Variants in ESR2 observed in about 807,000 individuals in gnomAD.
The protein encoded by ESR2 is estrogen receptor 2.
ESR2 carries 36 observed loss-of-function variants against 49.6 expected under a neutral mutation model. That is an observed-to-expected ratio of 0.73 (90% CI 0.56 to 0.96). ESR2 has a LOEUF of 0.96. Among genes scored for constraint, ESR2 ranks in the 40% least tolerant of loss-of-function variants. The probability of loss-of-function intolerance (pLI) is 0.00; values close to 1 mark genes in which losing one functional copy is unlikely to be tolerated. For synonymous variants in ESR2, 320 were observed against 266.1 expected (o/e 1.20, Z -1.97); for missense variants, 714 against 693.0 (o/e 1.03, Z -0.34).
At chr14:64,288,790 C>T (rs1325632909) in intron 1 of ESR2, among the ~76,000 whole-genome samples, 8 of 151,132 alleles carry the variant, frequency 5.3e-5, no homozygotes, top group Admixed American at 1.3e-4. Context: ...AGTTCGGGAC[C>T]AGCCTGGCCA....
chr14:64,334,037 T>C (rs2077497689), intron 1 of ESR2, among the ~76,000 whole-genome samples: 1 of 152,178 alleles, frequency 6.6e-6, no homozygotes. Context: ...CACATATAGC[T>C]TGGAATACCG....
intron 1 of ESR2, among the ~76,000 whole-genome samples, chr14:64,333,992 G>A (rs935654438): frequency 6.6e-6 from 1 of 152,022 alleles, no homozygotes; most frequent in South Asian, 2.1e-4. Context: ...GTGTGTTCCA[G>A]TGTTCAATAC....
At chr14:64,323,365 G>A (rs886811220) in intron 1 of ESR2, among the ~76,000 whole-genome samples, 1 of 151,872 alleles carries the variant, frequency 6.6e-6, no homozygotes, top group Non-Finnish European at 1.5e-5. Context: ...GTGCTACCGT[G>A]CCCAGGTAAT....
chr14:64,254,768 A>G (rs555961835), intron 6 of ESR2, among the ~76,000 whole-genome samples: 1 of 151,848 alleles, frequency 6.6e-6, no homozygotes, highest in African/African-American at 2.4e-5. Context: ...AAAAACAAAA[A>G]ACAAACAAAC....
intron 3 of ESR2, among the ~76,000 whole-genome samples, chr14:64,275,510 C>G (rs1313974666): frequency 1.3e-5 from 2 of 152,010 alleles, no homozygotes; most frequent in African/African-American, 4.8e-5. Flanking sequence ...CGAGACCAGC[C>G]TGGCCAATAT....
At chr14:64,301,874 T>C (rs986138718) in intron 1 of ESR2, among the ~76,000 whole-genome samples, 2 of 152,136 alleles carry the variant, frequency 1.3e-5, no homozygotes, top group African/African-American at 4.8e-5. Flanking sequence ...GATCCTCAGA[T>C]TGAAGGACTT....
chr14:64,295,373 TAGAG>T (rs1293700171), upstream of ESR2, among the ~76,000 whole-genome samples: 3 of 152,132 alleles, frequency 2.0e-5, no homozygotes, highest in Non-Finnish European at 4.4e-5. Context: ...TTAGCCAAAA[TAGAG>T]AGACGCAAGT....
At chr14:64,267,159 G>A (rs1022446258) in intron 4 of ESR2, among the ~76,000 whole-genome samples, 2 of 152,138 alleles carry the variant, frequency 1.3e-5, no homozygotes, top group East Asian at 1.9e-4. Context: ...GATTACAGGC[G>A]TGAGCCACCG....
At chr14:64,314,360 AC>A (rs1158839811) in intron 1 of ESR2, among the ~76,000 whole-genome samples, 1 of 151,952 alleles carries the variant, frequency 6.6e-6, no homozygotes, top group African/African-American at 2.4e-5. Flanking sequence ...CTAAAGCACC[AC>A]CAAGAGGGAA....
exon 1 of ESR2, chr14:64,338,002 C>G (rs2077552889): frequency 6.5e-6 from 1 of 153,622 alleles, no homozygotes; most frequent in Admixed American, 6.5e-5. Context: ...TCTCCAGCAT[C>G]CCAGCTGCCG....
At chr14:64,337,015 CAGA>C (rs779882808) in intron 1 of ESR2, among the ~76,000 whole-genome samples, 138 of 152,288 alleles carry the variant, frequency 9.1e-4, no homozygotes, top group Non-Finnish European at 1.4e-3. Context: ...TCCTCCCCAC[CAGA>C]AGATGAGCTG....
At chr14:64,282,056 T>C (rs756121254) in intron 2 of ESR2, among the ~76,000 whole-genome samples, 5 of 152,188 alleles carry the variant, frequency 3.3e-5, no homozygotes, top group Admixed American at 6.5e-5. Flanking sequence ...GTGACTTAAG[T>C]TCAGACCAGG....
chr14:64,286,969 A>G (rs1160225084), intron 1 of ESR2, among the ~76,000 whole-genome samples: 2 of 149,662 alleles, frequency 1.3e-5, no homozygotes, highest in Non-Finnish European at 3.0e-5. Context: ...TGCCCGCCTT[A>G]GCCTCCCAAA....
Position 64,279,946 on chromosome 14 carries a change from G to A in ESR2, c.535+35C>T, listed in dbSNP as rs773626791. ...GCAAAATTGTTTGAAATCAAAAGTAGGAAACTAAAGAAGCAGTTAACAATT... is the reference window on the plus strand; with the variant it reads ...GCAAAATTGTTTGAAATCAAAAGTAAGAAACTAAAGAAGCAGTTAACAATT... On this transcript the variant is annotated intron_variant, in intron 3 of 8. Transcript: ENST00000341099. 62 of 1,574,654 alleles carry A rather than the reference G, an allele frequency of 3.9e-5. 1 individual carries two copies. The Middle Eastern group carries it at 1.0e-3, about 25-fold the overall frequency.
intron 7 of ESR2, among the ~76,000 whole-genome samples, chr14:64,244,783 G>A (rs1480474526): frequency 6.6e-6 from 1 of 152,210 alleles, no homozygotes; most frequent in Non-Finnish European, 1.5e-5. Flanking sequence ...GTTCAAGTCA[G>A]TTTTCATAAT....
chr14:64,248,052 G>C (rs2075902620), intron 7 of ESR2, among the ~76,000 whole-genome samples: 1 of 152,090 alleles, frequency 6.6e-6, no homozygotes, highest in Admixed American at 6.6e-5. Context: ...AAATTATTCG[G>C]GTGTGGTGGC....
intron 4 of ESR2, among the ~76,000 whole-genome samples, chr14:64,267,871 G>A (rs1394614285): frequency 9.8e-5 from 14 of 143,424 alleles, no homozygotes; most frequent in East Asian, 2.1e-4. Flanking sequence ...GTGACAGAGC[G>A]AGACTCCATC....
intron 7 of ESR2, among the ~76,000 whole-genome samples, chr14:64,247,308 G>A (rs1299338378): frequency 2.0e-5 from 3 of 147,698 alleles, no homozygotes; most frequent in African/African-American, 5.2e-5. Context: ...CTCCAGCCTG[G>A]TCAACAGAGT....
At chr14:64,337,354 TCTA>T (rs749101884) in intron 1 of ESR2, 1 of 152,248 alleles carries the variant, frequency 6.6e-6, no homozygotes, top group Non-Finnish European at 1.5e-5. Context: ...ATGGTCAATA[TCTA>T]CTTGGTATTA....
Sources: allele counts gnomAD v4.1 joint callset (sites outside exome capture counted in the v4.1 genomes callset), GRCh38; gene constraint gnomAD v4.1.1; transcripts MANE v1.5; gene names NCBI Gene and HGNC (gene_info 2026-07-23, HGNC 2026-07-21).